SPRR2G: variants seen among roughly 807,000 people sequenced by gnomAD.
SPRR2G encodes the protein small proline rich protein 2G.
SPRR2G carries 1 observed loss-of-function variant against 0.7 expected under a neutral mutation model. That is an observed-to-expected ratio of 1.49 (90% confidence interval 0.53 to 7.06). The LOEUF is 7.06. Among genes scored for constraint, SPRR2G ranks in the 30% most tolerant of loss-of-function variants. The pLI, the probability that SPRR2G is intolerant of heterozygous loss-of-function variation, is 0.14. For missense variants in SPRR2G, 96 were observed against 88.5 expected, an observed-to-expected ratio of 1.09 and a Z score of -0.34; for synonymous variants, 38 against 33.9, an observed-to-expected ratio of 1.12 and a Z score of -0.42.
the SPRR2G span, among the ~76,000 whole-genome samples, chr1:153,180,447 C>T: frequency 0.078 from 11,915 of 152,096 alleles, 492 homozygotes; most frequent in African/African-American, 0.11. Flanking sequence ...AGATATAGAT[C>T]GTTGATTCTC....
the SPRR2G span, among the ~76,000 whole-genome samples, chr1:153,180,515 G>A: frequency 6.6e-6 from 1 of 152,166 alleles, no homozygotes; most frequent in African/African-American, 2.4e-5. Flanking sequence ...CCATTTTATT[G>A]CTAAAAGGTA....
chr1:153,191,197 T>C, the SPRR2G span: 2 of 152,318 alleles, frequency 1.3e-5, no homozygotes, highest in African/African-American at 2.4e-5. Flanking sequence ...GGACTCGCCA[T>C]GCAAGGAAGG....
At chr1:153,158,699 G>A in the SPRR2G span, among the ~76,000 whole-genome samples, 12 of 152,218 alleles carry the variant, frequency 7.9e-5, no homozygotes, top group Admixed American at 2.0e-4. Context: ...CATTGCCCTA[G>A]AAGAGGTTCT....
the SPRR2G span, among the ~76,000 whole-genome samples, chr1:153,187,994 T>C: frequency 6.6e-6 from 1 of 152,150 alleles, no homozygotes; most frequent in Non-Finnish European, 1.5e-5. Flanking sequence ...TTGCTGGAGG[T>C]CCACTCCAGA....
the SPRR2G span, among the ~76,000 whole-genome samples, chr1:153,156,652 T>C: frequency 3.7e-4 from 57 of 152,090 alleles, 1 homozygote; most frequent in Admixed American, 1.0e-3. Flanking sequence ...GTTTGTTTTG[T>C]TGTGTTGAAC....
chr1:153,192,940 C>A, the SPRR2G span, among the ~76,000 whole-genome samples: 1 of 152,180 alleles, frequency 6.6e-6, no homozygotes, highest in Admixed American at 6.5e-5. Context: ...ATCAGAGCTA[C>A]CTGGGCTATG....
At chr1:153,193,257 C>A in the SPRR2G span, among the ~76,000 whole-genome samples, 4 of 152,084 alleles carry the variant, frequency 2.6e-5, no homozygotes, top group Non-Finnish European at 5.9e-5. Context: ...TTCTGTGACC[C>A]ACTCACCCCC....
At chr1:153,158,767 C>T in the SPRR2G span, among the ~76,000 whole-genome samples, 136 of 152,368 alleles carry the variant, frequency 8.9e-4, no homozygotes, top group African/African-American at 2.8e-3. Context: ...CATTTCCATA[C>T]ATCCTCTGAC....
At chr1:153,182,575 T>A in the SPRR2G span, among the ~76,000 whole-genome samples, 4 of 152,138 alleles carry the variant, frequency 2.6e-5, no homozygotes, top group Non-Finnish European at 4.4e-5. Context: ...TGGTGTGTGA[T>A]GTTCCCCTCC....
chr1:153,183,799 C>A, the SPRR2G span, among the ~76,000 whole-genome samples: 1 of 152,186 alleles, frequency 6.6e-6, no homozygotes, highest in Non-Finnish European at 1.5e-5. Flanking sequence ...TTGCACATGC[C>A]TATGTCCTGA....
chr1:153,172,434 T>C, the SPRR2G span, among the ~76,000 whole-genome samples: 4 of 152,168 alleles, frequency 2.6e-5, no homozygotes, highest in Admixed American at 6.5e-5. Context: ...CTTGCACACA[T>C]CCTTCCCCCA....
the SPRR2G span, among the ~76,000 whole-genome samples, chr1:153,203,256 G>A: frequency 6.6e-6 from 1 of 152,138 alleles, no homozygotes; most frequent in Non-Finnish European, 1.5e-5. Context: ...TGAATGTTGA[G>A]GGGTCTAGGG....
At chr1:153,164,383 G>A in the SPRR2G span, among the ~76,000 whole-genome samples, 5 of 152,186 alleles carry the variant, frequency 3.3e-5, no homozygotes, top group Non-Finnish European at 5.9e-5. Flanking sequence ...CCTGGAGAAA[G>A]TCATTTAGTC....
At chr1:153,169,688 A>T in the SPRR2G span, among the ~76,000 whole-genome samples, 1 of 152,168 alleles carries the variant, frequency 6.6e-6, no homozygotes, top group Non-Finnish European at 1.5e-5. Context: ...TCAGCCTTCC[A>T]TCATGTTAAC....
the SPRR2G span, among the ~76,000 whole-genome samples, chr1:153,203,156 A>C: frequency 2.6e-5 from 4 of 152,172 alleles, no homozygotes; most frequent in Admixed American, 2.0e-4. Context: ...ACCATGTGTC[A>C]ACAGTGGGCC....
At chr1:153,181,308 G>A in the SPRR2G span, among the ~76,000 whole-genome samples, 5 of 151,932 alleles carry the variant, frequency 3.3e-5, no homozygotes, top group African/African-American at 1.2e-4. Flanking sequence ...TATTTATGGG[G>A]TACATGTGAC....
the SPRR2G span, among the ~76,000 whole-genome samples, chr1:153,169,717 A>T: frequency 6.6e-6 from 1 of 150,658 alleles, no homozygotes; most frequent in Admixed American, 6.6e-5. Flanking sequence ...TTTTTGAACA[A>T]CCCAGGGCAT....
At chr1:153,179,929 G>C in the SPRR2G span, among the ~76,000 whole-genome samples, 1 of 152,196 alleles carries the variant, frequency 6.6e-6, no homozygotes, top group Admixed American at 6.5e-5. Context: ...CAAATATCTT[G>C]CCATTGTATC....
At chr1:153,196,319 T>C in the SPRR2G span, among the ~76,000 whole-genome samples, 1 of 152,246 alleles carries the variant, frequency 6.6e-6, no homozygotes, top group Non-Finnish European at 1.5e-5. Context: ...GCAGTATTTG[T>C]CTTTCTGTAT....
Sources: allele counts gnomAD v4.1 joint callset (sites outside exome capture counted in the v4.1 genomes callset), GRCh38; gene constraint gnomAD v4.1.1; transcripts MANE v1.5; gene names NCBI Gene and HGNC (gene_info 2026-07-23, HGNC 2026-07-21).